The following ADARB2 variants were observed in gnomAD, a reference collection of about 807,000 sequenced individuals.
The protein encoded by ADARB2 is adenosine deaminase RNA specific B2 (inactive).
ADARB2 carries 25 observed loss-of-function variants against 62.2 expected under a neutral mutation model. The ratio of observed to expected loss-of-function variants is 0.40; its 90% CI spans 0.29 to 0.56. ADARB2 has a LOEUF of 0.56. Among genes scored for constraint, ADARB2 ranks in the 20% least tolerant of loss-of-function variants. The pLI, the probability that ADARB2 is intolerant of heterozygous loss-of-function variation, is 0.43. For missense variants in ADARB2, 1,071 were observed against 1,077.4 expected (o/e 0.99, Z 0.08); for synonymous variants, 572 against 500.8 (o/e 1.14, Z -1.90).
intron 3 of ADARB2, among the ~76,000 whole-genome samples, chr10:1,332,664 G>A (rs919574964): frequency 2.6e-5 from 4 of 152,082 alleles, no homozygotes; most frequent in Admixed American, 1.3e-4. Flanking sequence ...CCATGTGCAG[G>A]ACTGGAGACT....
chr10:1,510,843 T>C (rs1317450405), intron 1 of ADARB2, among the ~76,000 whole-genome samples: 1 of 152,098 alleles, frequency 6.6e-6, no homozygotes, highest in Non-Finnish European at 1.5e-5. Context: ...GATGGAACTC[T>C]CAATTCCAAA....
intron 8 of ADARB2, among the ~76,000 whole-genome samples, chr10:1,191,831 T>G (rs1235576124): frequency 1.3e-5 from 2 of 152,126 alleles, no homozygotes; most frequent in African/African-American, 4.8e-5. Flanking sequence ...CACACAATCG[T>G]GTTAACAGTG....
chr10:1,424,339 C>T (rs1832877460), intron 1 of ADARB2, among the ~76,000 whole-genome samples: 1 of 152,156 alleles, frequency 6.6e-6, no homozygotes, highest in African/African-American at 2.4e-5. Flanking sequence ...GCTCTGTGGG[C>T]CTGTGTGAGA....
At chr10:1,625,592 T>A (rs1332689728) in intron 1 of ADARB2, among the ~76,000 whole-genome samples, 3 of 151,694 alleles carry the variant, frequency 2.0e-5, no homozygotes, top group African/African-American at 7.3e-5. Context: ...TTCTCGGGAG[T>A]CCCCACTGGC....
intron 1 of ADARB2, among the ~76,000 whole-genome samples, chr10:1,722,621 G>A (rs7904541): frequency 0.87 from 133,048 of 152,246 alleles, 58,349 homozygotes; most frequent in East Asian, 0.98. Context: ...CCGTTTCTTG[G>A]TAGCACATCA....
chr10:1,711,421 C>T (rs541540231), intron 1 of ADARB2, among the ~76,000 whole-genome samples: 28 of 152,172 alleles, frequency 1.8e-4, no homozygotes, highest in African/African-American at 6.5e-4. Flanking sequence ...AGCATGGATC[C>T]TAGGAACACC....
At chr10:1,510,168 C>CTTTCTTTCTTTCTTTCT (rs1564312666) in intron 1 of ADARB2, among the ~76,000 whole-genome samples, 5 of 45,934 alleles carry the variant, frequency 1.1e-4, no homozygotes, top group African/African-American at 3.1e-4. Context: ...TTCTTTCTTT[C>CTTTCTTTCTTTCTTTCT]TTTTTCTTTC....
intron 5 of ADARB2, among the ~76,000 whole-genome samples, chr10:1,235,091 C>T (rs1306351490): frequency 6.6e-6 from 1 of 151,988 alleles, no homozygotes. Context: ...CTGCTGTTCG[C>T]CCACATCTAT....
intron 1 of ADARB2, among the ~76,000 whole-genome samples, chr10:1,499,282 T>C (rs10903468): frequency 0.68 from 103,600 of 151,710 alleles, 35,687 homozygotes; most frequent in Admixed American, 0.73. Flanking sequence ...CACACTCACT[T>C]ATCACTCAAC....
rs118008404 is a variant in ADARB2, at chr10:1,599,169, C to T, written c.100+137882G>A. The stretch of plus-strand genomic sequence containing the variant: ...CCAGCTTCCCAGTTTATGATTGGCA[C>T]GGGCCATCCTCCCTGCAGCGTTGAC... On this transcript the variant is annotated intron_variant, in intron 1 of 9. Transcript: ENST00000381312. Among the ~76,000 whole-genome samples the T allele has an allele frequency of 1.2e-3, 185 of 152,314 alleles. 1 individual carries two copies. In the East Asian group the frequency reaches 0.032, roughly 26 times the overall value.
At position 1,379,364 on chromosome 10, in the gene ADARB2, C is replaced by T. The variant is rs116825636; in HGVS notation, c.101-204G>A. 1.1e-3 allele frequency among the ~76,000 whole-genome samples: 168 copies of T among 152,244 alleles called. 1 individual carries two copies. The highest frequency in any genetic ancestry group is 1.8e-3 in the African/African-American group (76 of 41,534). On this transcript the variant is annotated intron_variant, in intron 1 of 9. Transcript: ENST00000381312. Reference sequence around the variant, plus strand: ...TCTCTCCACTCAATTTAAAACTCTACGATTTCCTTCTTTCTCCTTCTCTTA... The same window carrying T: ...TCTCTCCACTCAATTTAAAACTCTATGATTTCCTTCTTTCTCCTTCTCTTA...
chr10:1,259,442 T>TG (rs1831112948), intron 4 of ADARB2, among the ~76,000 whole-genome samples: 1 of 151,850 alleles, frequency 6.6e-6, no homozygotes, highest in Admixed American at 6.6e-5. Context: ...ATCAAATAGA[T>TG]GCAATAAAAA....
intron 3 of ADARB2, among the ~76,000 whole-genome samples, chr10:1,272,602 C>T (rs1016199830): frequency 3.3e-5 from 5 of 152,220 alleles, no homozygotes; most frequent in Non-Finnish European, 7.3e-5. Context: ...ACTTTTCCCA[C>T]TGTGTCGTGA....
rs116954295 is a variant in ADARB2 at position 1,549,044 on chromosome 10, G to A, written c.101-169884C>T. On this transcript the variant is annotated intron_variant, in intron 1 of 9. Coordinates refer to ENST00000381312, the MANE Select transcript of ADARB2 (RefSeq NM_018702.4). ...CCAACTACAAGATGCTAAAAGAGAGGGAGAATCTGAAGACGTCTGAGGGGA... is the reference window on the plus strand; with the variant it reads ...CCAACTACAAGATGCTAAAAGAGAGAGAGAATCTGAAGACGTCTGAGGGGA... 1.6e-4 allele frequency among the ~76,000 whole-genome samples: 24 copies of A among 152,280 alleles called. 1 individual carries two copies. The East Asian group carries it at 4.4e-3, about 28-fold the overall frequency.
chr10:1,385,022 C>T (rs945257070), intron 1 of ADARB2, among the ~76,000 whole-genome samples: 1 of 152,336 alleles, frequency 6.6e-6, no homozygotes, highest in African/African-American at 2.4e-5. Flanking sequence ...TAGGAATACT[C>T]TAGTCCTAGA....
intron 3 of ADARB2, among the ~76,000 whole-genome samples, chr10:1,328,661 TG>T (rs1421409467): frequency 6.6e-6 from 1 of 152,060 alleles, no homozygotes; most frequent in Admixed American, 6.5e-5. Context: ...CTCCAGAGCT[TG>T]GCATGTAAAA....
At position 1,426,224 on chromosome 10, in the gene ADARB2, C is replaced by A. The variant is rs983446784; in HGVS notation, c.101-47064G>T. Reference sequence around the variant, plus strand: ...CTCCCTGGTGAGAGGTGAGGCCAAGCAATGCAGCACACAGATGAGCTCTGC... The same window carrying A: ...CTCCCTGGTGAGAGGTGAGGCCAAGAAATGCAGCACACAGATGAGCTCTGC... On this transcript the variant is annotated intron_variant, in intron 1 of 9. Coordinates refer to ENST00000381312, the MANE Select transcript of ADARB2 (RefSeq NM_018702.4). The surrounding 1 kb of genome is among the most constrained non-coding windows in gnomAD (Gnocchi z 4.1). Among the ~76,000 whole-genome samples, 20 of 152,114 alleles carry A rather than the reference C, an allele frequency of 1.3e-4. No individual in the cohort carries two copies. Among genetic ancestry groups the A allele is most frequent in the African/African-American group, 4.3e-4 (18 of 41,416 alleles).
chr10:1,245,335 CTTTT>C (rs1168497337), intron 4 of ADARB2, among the ~76,000 whole-genome samples: 2 of 151,964 alleles, frequency 1.3e-5, no homozygotes, highest in Non-Finnish European at 2.9e-5. Context: ...TTTGTTTTTT[CTTTT>C]TCTTTTTTAT....
intron 8 of ADARB2, among the ~76,000 whole-genome samples, chr10:1,189,279 C>T (rs1836805571): frequency 6.6e-6 from 1 of 152,038 alleles, no homozygotes; most frequent in Non-Finnish European, 1.5e-5. Context: ...CCACCAGTTT[C>T]CCAGGTGCCG....
Sources: allele counts gnomAD v4.1 joint callset (sites outside exome capture counted in the v4.1 genomes callset), GRCh38; gene constraint gnomAD v4.1.1; non-coding constraint Gnocchi (gnomAD v3.1); transcripts MANE v1.5; gene names NCBI Gene and HGNC (gene_info 2026-07-23, HGNC 2026-07-21).